The following RIMS2 variants were observed in gnomAD, a reference collection of about 807,000 sequenced individuals.
The protein encoded by RIMS2 is regulating synaptic membrane exocytosis 2.
RIMS2 carries 59 observed loss-of-function variants against 174.4 expected under a neutral mutation model. The ratio of observed to expected loss-of-function variants is 0.34; its 90% CI spans 0.27 to 0.42. The LOEUF is 0.42. Among genes scored for constraint, RIMS2 ranks in the 10% least tolerant of loss-of-function variants. RIMS2 has a pLI of 1.00. For synonymous variants in RIMS2, 606 were observed against 572.5 expected (o/e 1.06, Z -0.84); for missense variants, 1,620 against 1,666.3 (o/e 0.97, Z 0.48).
rs910529406 is a variant in RIMS2 at position 103,552,415 on chromosome 8, G to A, written c.176+51353G>A. 2.0e-5 allele frequency among the ~76,000 whole-genome samples: 3 copies of A among 152,160 alleles called. No homozygotes were observed. In the South Asian group the frequency reaches 6.2e-4, roughly 31 times the overall value. On this transcript the variant is annotated intron_variant, in intron 1 of 23. Coordinates refer to ENST00000504942, the Ensembl canonical transcript of RIMS2. ...AGCCATATGTAGAAAGCTGAAATTG[G>A]ATCCCTTCTTTATACCTTATACAAA...
intron 4 of RIMS2, among the ~76,000 whole-genome samples, chr8:103,905,827 A>T (rs1238963332): frequency 8.8e-6 from 1 of 113,326 alleles, no homozygotes; most frequent in African/African-American, 3.5e-5. Flanking sequence ...AGATTGGGTC[A>T]TTTTTATTGT....
intron 3 of RIMS2, among the ~76,000 whole-genome samples, chr8:103,869,076 T>C (rs2099097341): frequency 6.6e-6 from 1 of 152,126 alleles, no homozygotes; most frequent in Admixed American, 6.6e-5. Flanking sequence ...TTCCCTGATA[T>C]ATGCATTTCA....
chr8:103,912,485 A>C (rs2075865751), intron 6 of RIMS2, among the ~76,000 whole-genome samples: 1 of 152,086 alleles, frequency 6.6e-6, no homozygotes. Flanking sequence ...TTTAAGTCAA[A>C]ATCTATGTTT....
At chr8:103,943,759 C>T (rs1321056444) in intron 14 of RIMS2, among the ~76,000 whole-genome samples, 2 of 152,090 alleles carry the variant, frequency 1.3e-5, no homozygotes, top group African/African-American at 2.4e-5. Flanking sequence ...TACTGTTTTG[C>T]ATAGTATTCA....
chr8:103,875,258 C>T (rs2099130671), intron 3 of RIMS2, among the ~76,000 whole-genome samples: 1 of 151,790 alleles, frequency 6.6e-6, no homozygotes, highest in Admixed American at 6.6e-5. Context: ...TTTTTTATCT[C>T]TCACTCGCAT....
rs570003534 is a variant in RIMS2, at chr8:103,813,783, T to G, written c.698+47246T>G. ...TTCCATGGTGTATATGTGCCATATT[T>G]TCTTAATCCAGTCTATCATTGTTGG... On this transcript the variant is annotated intron_variant, in intron 3 of 23. Transcript: ENST00000504942. 3.3e-5 allele frequency among the ~76,000 whole-genome samples: 5 copies of G among 152,332 alleles called. No homozygotes were observed. The South Asian group carries it at 1.0e-3, about 32-fold the overall frequency.
chr8:103,996,626 CAT>C (rs2095118472), intron 17 of RIMS2, among the ~76,000 whole-genome samples: 1 of 151,882 alleles, frequency 6.6e-6, no homozygotes, highest in African/African-American at 2.4e-5. Context: ...AAGAACCACT[CAT>C]ATAGGTGAGA....
At chr8:103,596,120 C>T (rs1011920824) in intron 1 of RIMS2, among the ~76,000 whole-genome samples, 1 of 151,928 alleles carries the variant, frequency 6.6e-6, no homozygotes, top group Admixed American at 6.6e-5. Flanking sequence ...CTTTTATGTA[C>T]TTCTTAAATA....
chr8:103,787,880 C>A (rs375842484), intron 3 of RIMS2, among the ~76,000 whole-genome samples: 18,758 of 151,886 alleles, frequency 0.12, 1,260 homozygotes, highest in Middle Eastern at 0.22. Flanking sequence ...CAACTTGGTT[C>A]CATTCTCCCC....
At chr8:103,839,497 T>A (rs542554418) in intron 3 of RIMS2, among the ~76,000 whole-genome samples, 4 of 152,316 alleles carry the variant, frequency 2.6e-5, no homozygotes, top group African/African-American at 9.6e-5. Flanking sequence ...GATATGGTTT[T>A]CTTACTCTTA....
chr8:103,547,142 G>C (rs753381593), intron 1 of RIMS2, among the ~76,000 whole-genome samples: 3 of 152,116 alleles, frequency 2.0e-5, no homozygotes, highest in Admixed American at 6.5e-5. Context: ...ACTGGTATTT[G>C]TTAGGCTTGA....
At chr8:103,977,930 A>G (rs1014210373) in intron 16 of RIMS2, among the ~76,000 whole-genome samples, 5 of 152,208 alleles carry the variant, frequency 3.3e-5, no homozygotes, top group Non-Finnish European at 7.3e-5. Context: ...ATGGAGTTTA[A>G]TCTCCAGCCC....
intron 19 of RIMS2, among the ~76,000 whole-genome samples, chr8:104,050,673 A>C (rs180692315): frequency 6.6e-6 from 1 of 152,332 alleles, no homozygotes. Flanking sequence ...GGAGTTTTCA[A>C]ACTTTAAGTT....
intron 3 of RIMS2, among the ~76,000 whole-genome samples, chr8:103,856,542 T>C (rs1260607597): frequency 6.6e-6 from 1 of 152,208 alleles, no homozygotes; most frequent in East Asian, 1.9e-4. Context: ...CTGATTAATT[T>C]GTCAAGAAAA....
At chr8:103,833,788 T>G (rs1252448435) in intron 3 of RIMS2, among the ~76,000 whole-genome samples, 1 of 152,164 alleles carries the variant, frequency 6.6e-6, no homozygotes, top group South Asian at 2.1e-4. Context: ...ATAGTTGTTA[T>G]AGTGGCTTTA....
intron 19 of RIMS2, among the ~76,000 whole-genome samples, chr8:104,220,481 C>A (rs2099150083): frequency 6.6e-6 from 1 of 152,224 alleles, no homozygotes; most frequent in Non-Finnish European, 1.5e-5. Flanking sequence ...CCATCCCCAG[C>A]AGTCACTTGC....
intron 1 of RIMS2, among the ~76,000 whole-genome samples, chr8:103,559,788 G>A (rs150660915): frequency 6.6e-6 from 1 of 152,312 alleles, no homozygotes; most frequent in East Asian, 1.9e-4. Context: ...GTTTCAGGAT[G>A]CTGGCAGAAG....
chr8:103,677,483 T>G (rs948354100), intron 1 of RIMS2, among the ~76,000 whole-genome samples: 1 of 152,146 alleles, frequency 6.6e-6, no homozygotes, highest in Non-Finnish European at 1.5e-5. Context: ...ATAAAAAATT[T>G]GCTCAAACAA....
intron 2 of RIMS2, among the ~76,000 whole-genome samples, chr8:103,752,647 A>T (rs2097909387): frequency 6.6e-6 from 1 of 152,116 alleles, no homozygotes; most frequent in African/African-American, 2.4e-5. Context: ...GAGGTCCTTC[A>T]TGTCCCTTGT....
Sources: allele counts gnomAD v4.1 joint callset (sites outside exome capture counted in the v4.1 genomes callset), GRCh38; gene constraint gnomAD v4.1.1; transcripts MANE v1.5; gene names NCBI Gene and HGNC (gene_info 2026-07-23, HGNC 2026-07-21).